The following FLRT2 variants were observed in gnomAD, a reference collection of about 807,000 sequenced individuals.
FLRT2 encodes the protein fibronectin leucine rich transmembrane protein 2.
In FLRT2, 15 loss-of-function variants were observed where a neutral mutation model predicts 40.0. That is an observed-to-expected ratio of 0.38 (90% CI 0.25 to 0.58). FLRT2 has a LOEUF of 0.58. FLRT2 is among the 20% of genes least tolerant of loss of function. The probability of loss-of-function intolerance (pLI) is 0.71; values close to 1 mark genes in which losing one functional copy is unlikely to be tolerated. For synonymous variants in FLRT2, 380 were observed against 336.8 expected, an observed-to-expected ratio of 1.13 and a Z score of -1.41; for missense variants, 726 against 840.0, an observed-to-expected ratio of 0.86 and a Z score of 1.68.
chr14:85,578,108 A>G (rs965930132), intron 1 of FLRT2, among the ~76,000 whole-genome samples: 10 of 145,756 alleles, frequency 6.9e-5, no homozygotes, highest in African/African-American at 2.5e-4. Context: ...GTATATATAT[A>G]TTTATATATA....
rs1374502141 is a variant in FLRT2, at chr14:85,648,168, T to C, written c.*24671T>C. 3.9e-5 allele frequency: 6 copies of C among 152,276 alleles called. No homozygotes were observed. The highest frequency in any genetic ancestry group is 2.0e-4 in the Admixed American group (3 of 15,276). 9.4% of individuals were successfully genotyped at this position (152,276 alleles called of 1,614,324 possible). The stretch of plus-strand genomic sequence containing the variant: ...GGGGACAGTGTAAGCCTCATTCTAA[T>C]TGCATAAGGAATAGTTACTGTATGT... On this transcript the variant is annotated 3_prime_UTR_variant, in exon 2 of 2. Coordinates refer to ENST00000330753, the MANE Select transcript of FLRT2 (RefSeq NM_013231.6).
At chr14:85,558,090 T>TGATGA (rs1022930051) in intron 1 of FLRT2, among the ~76,000 whole-genome samples, 1 of 150,194 alleles carries the variant, frequency 6.7e-6, no homozygotes, top group African/African-American at 2.5e-5. Flanking sequence ...TAGAAAGCAC[T>TGATGA]GATGATGTTG....
rs1406127802 is a variant in FLRT2, at chr14:85,635,684, T to A, written c.*12187T>A. On this transcript the variant is annotated 3_prime_UTR_variant, in exon 2 of 2. Transcript: ENST00000330753. ...TTAACCCTGATCCCTGCCACTTTTA[T>A]CTGAACCTTGAACAAACATACAATT... 1 of 152,036 alleles carries A rather than the reference T, an allele frequency of 6.6e-6. No homozygotes were observed. The highest frequency in any genetic ancestry group is 1.5e-5 in the Non-Finnish European group (1 of 67,952). The allele number at this position is 152,036 out of a possible 1,614,324, so 9.4% of individuals were successfully genotyped here.
intron 1 of FLRT2, among the ~76,000 whole-genome samples, chr14:85,533,555 C>G (rs1326552630): frequency 1.3e-5 from 2 of 152,094 alleles, no homozygotes; most frequent in African/African-American, 4.8e-5. Context: ...AGCTTTCTGC[C>G]GCCTTCCCCG....
At chr14:85,580,768 C>G (rs972700137) in intron 1 of FLRT2, among the ~76,000 whole-genome samples, 1 of 151,746 alleles carries the variant, frequency 6.6e-6, no homozygotes, top group African/African-American at 2.4e-5. Flanking sequence ...GTGTTTCTAG[C>G]GGATTGAGAA....
intron 1 of FLRT2, among the ~76,000 whole-genome samples, chr14:85,567,091 T>G (rs1490664245): frequency 6.6e-6 from 1 of 152,172 alleles, no homozygotes; most frequent in African/African-American, 2.4e-5. Context: ...CACTTCAAGG[T>G]AATTTTATCA....
chr14:85,570,896 A>AT (rs11378095), intron 1 of FLRT2, among the ~76,000 whole-genome samples: 44,013 of 151,598 alleles, frequency 0.29, 6,990 homozygotes, highest in Middle Eastern at 0.4. Context: ...AATTCCCCTT[A>AT]TTTTTTAAAA....
In FLRT2 at chr14:85,622,256, G is replaced by C. The variant is rs200513977; in HGVS notation, c.742G>C (p.Asp248His). 1.9e-6 allele frequency: 3 copies of C among 1,613,956 alleles called. No individual in the cohort carries two copies. In the Admixed American group the frequency reaches 5.0e-5, roughly 27 times the overall value. Residue 248 changes from aspartate to histidine, a missense_variant, in exon 2 of 2, where the codon GAT (aspartate) becomes CAT (histidine). By Grantham distance (81) the Asp-to-His change is moderately conservative (BLOSUM62 -1). Transcript: ENST00000330753. ...TAATTCGCTGTCCCACCCTCCTCCC[G>C]ATCTCCCAGGTACGCATCTGATCAG... ...VRNSLSHPPP[D>H]LPGTHLIRLY...
At chr14:85,611,174 G>A (rs1372430767) in intron 1 of FLRT2, among the ~76,000 whole-genome samples, 2 of 152,246 alleles carry the variant, frequency 1.3e-5, no homozygotes, top group African/African-American at 2.4e-5. Context: ...GGGATTACGG[G>A]CCTTCTTGCT....
intron 1 of FLRT2, among the ~76,000 whole-genome samples, chr14:85,609,191 C>T (rs1243389792): frequency 6.6e-6 from 1 of 152,114 alleles, no homozygotes; most frequent in East Asian, 1.9e-4. Context: ...AGAGGTCCTC[C>T]AGGGCCCTGT....
Position 85,643,947 on chromosome 14 carries a change from C to T in FLRT2, c.*20450C>T, listed in dbSNP as rs995681423. 4 of 152,124 alleles carry T rather than the reference C, an allele frequency of 2.6e-5. No homozygotes were observed. Among genetic ancestry groups the T allele is most frequent in the African/African-American group, 9.7e-5 (4 of 41,420 alleles). 9.4% of individuals were successfully genotyped at this position (152,124 alleles called of 1,614,324 possible). ...CTGTTTTCAAGAATGGATAATTGCT[C>T]ATTATAGCTTCATGAATAATATAGA... On this transcript the variant is annotated 3_prime_UTR_variant, in exon 2 of 2. Transcript: ENST00000330753.
In FLRT2 at chr14:85,630,901, G is replaced by A. The variant is rs1475033762; in HGVS notation, c.*7404G>A. 6.6e-6 allele frequency: 1 copy of A among 151,778 alleles called. No homozygotes were observed. The highest frequency in any genetic ancestry group is 2.4e-5 in the African/African-American group (1 of 41,268). 9.4% of individuals were successfully genotyped at this position (151,778 alleles called of 1,614,324 possible). ...CCTTTCCAACACATTGAAGGACAAA[G>A]GGTAATCATAATCTATAAGGAATGC... On this transcript the variant is annotated 3_prime_UTR_variant, in exon 2 of 2. Transcript: ENST00000330753.
At chr14:85,588,375 C>T (rs1287315461) in intron 1 of FLRT2, among the ~76,000 whole-genome samples, 1 of 151,850 alleles carries the variant, frequency 6.6e-6, no homozygotes, top group Non-Finnish European at 1.5e-5. Flanking sequence ...GGCAGGTATG[C>T]TGTGTTAATG....
chr14:85,549,810 A>AT (rs61018495), intron 1 of FLRT2, among the ~76,000 whole-genome samples: 102 of 134,892 alleles, frequency 7.6e-4, no homozygotes, highest in South Asian at 2.6e-3. Flanking sequence ...ACACATAGCT[A>AT]TTTTTTTTTT....
At chr14:85,603,611 T>A (rs1892477040) in intron 1 of FLRT2, among the ~76,000 whole-genome samples, 1 of 152,262 alleles carries the variant, frequency 6.6e-6, no homozygotes, top group African/African-American at 2.4e-5. Context: ...GGCTCACCCC[T>A]GTAATCCCAG....
At chr14:85,548,378 G>T (rs1023915328) in intron 1 of FLRT2, among the ~76,000 whole-genome samples, 1 of 152,168 alleles carries the variant, frequency 6.6e-6, no homozygotes, top group African/African-American at 2.4e-5. Flanking sequence ...CTCTTGCTTT[G>T]AAAATAGGAA....
At chr14:85,536,392 T>TA (rs1214347835) in intron 1 of FLRT2, among the ~76,000 whole-genome samples, 1 of 152,252 alleles carries the variant, frequency 6.6e-6, no homozygotes, top group Middle Eastern at 3.4e-3. Flanking sequence ...CGTCTGAAGT[T>TA]AAAAAACAGC....
intron 1 of FLRT2, among the ~76,000 whole-genome samples, chr14:85,593,119 C>A (rs1485894996): frequency 6.6e-6 from 1 of 152,090 alleles, no homozygotes; most frequent in Non-Finnish European, 1.5e-5. Context: ...TAATTGCCAC[C>A]AGGTTATACT....
chr14:85,560,251 A>G (rs1043766729), intron 1 of FLRT2, among the ~76,000 whole-genome samples: 5 of 152,166 alleles, frequency 3.3e-5, no homozygotes, highest in Non-Finnish European at 7.3e-5. Context: ...GTCTAGAATC[A>G]TGAAGCCAGA....
Sources: gnomAD v4.1 joint callset for allele counts (sites outside exome capture counted in the v4.1 genomes callset) on GRCh38, gnomAD v4.1.1 for gene constraint, MANE v1.5 for transcripts, NCBI Gene and HGNC (gene_info 2026-07-23, HGNC 2026-07-21) for gene names.